Variants in CCDC146 observed in about 807,000 individuals in gnomAD.
CCDC146 encodes coiled-coil domain containing 146, also known as coiled-coil domain-containing protein 146.
A neutral mutation model predicts 119.3 loss-of-function variants in CCDC146; 92 were observed. The ratio of observed to expected loss-of-function variants is 0.77; its 90% CI spans 0.65 to 0.92. CCDC146 has a LOEUF of 0.92. CCDC146 is among the 40% of genes least tolerant of loss of function. The pLI, the probability that CCDC146 is intolerant of heterozygous loss-of-function variation, is 0.00. For synonymous variants in CCDC146, 372 were observed against 371.8 expected, an observed-to-expected ratio of 1.00 and a Z score of -0.01; for missense variants, 1,000 against 1,103.0, an observed-to-expected ratio of 0.91 and a Z score of 1.32.
At chr7:77,199,580 A>G in intron 2 of CCDC146, 3 of 1,614,140 alleles carry the variant, frequency 1.9e-6, no homozygotes, top group Non-Finnish European at 1.7e-6. Context: ...ATCCTGCTGA[A>G]TTGCTTCGGG....
intron 11 of CCDC146, among the ~76,000 whole-genome samples, chr7:77,278,435 ATTTT>A (rs140968354): frequency 2.9e-5 from 3 of 103,340 alleles, no homozygotes; most frequent in Non-Finnish European, 5.5e-5. Context: ...CCAAGAAATA[ATTTT>A]TTTTTTTTTT....
At chr7:77,156,830 A>G (rs1294187568) in intron 1 of CCDC146, among the ~76,000 whole-genome samples, 4 of 152,064 alleles carry the variant, frequency 2.6e-5, no homozygotes, top group Non-Finnish European at 4.4e-5. Context: ...AGCCTGTCAT[A>G]TAGTGGACCG....
At chr7:77,179,736 A>T (rs943649684) in intron 2 of CCDC146, among the ~76,000 whole-genome samples, 1 of 152,168 alleles carries the variant, frequency 6.6e-6, no homozygotes, top group Non-Finnish European at 1.5e-5. Flanking sequence ...TGATAAAATT[A>T]TACTATTTTA....
chr7:77,179,985 G>T (rs1053873365), intron 2 of CCDC146, among the ~76,000 whole-genome samples: 1 of 152,028 alleles, frequency 6.6e-6, no homozygotes, highest in Non-Finnish European at 1.5e-5. Context: ...TGTCATCAAG[G>T]TTGGTTCATG....
chr7:77,253,367 A>G (rs3108426), intron 4 of CCDC146, among the ~76,000 whole-genome samples: 111,986 of 152,114 alleles, frequency 0.74, 42,973 homozygotes, highest in Non-Finnish European at 0.87. Context: ...TGAGCTCTTC[A>G]AATAACCCTT....
At chr7:77,136,342 C>T (rs1472903732) in intron 1 of CCDC146, among the ~76,000 whole-genome samples, 1 of 152,094 alleles carries the variant, frequency 6.6e-6, no homozygotes, top group Admixed American at 6.5e-5. Context: ...AAATGAAAAG[C>T]TGGTTCTTTG....
intron 18 of CCDC146, among the ~76,000 whole-genome samples, chr7:77,293,731 C>G (rs1793994225): frequency 6.6e-6 from 1 of 152,230 alleles, no homozygotes; most frequent in Non-Finnish European, 1.5e-5. Flanking sequence ...GCTGACTCCC[C>G]CTGCAAGTTA....
intron 1 of CCDC146, among the ~76,000 whole-genome samples, chr7:77,145,620 T>G (rs1584022846): frequency 6.6e-6 from 1 of 152,328 alleles, no homozygotes; most frequent in East Asian, 1.9e-4. Flanking sequence ...ATGTTGTGTC[T>G]TTGTTCTCAT....
Position 77,274,650 on chromosome 7 carries a change from C to T in CCDC146, c.1438C>T (p.Gln480Ter). 1 of 1,603,610 alleles carries T rather than the reference C, an allele frequency of 6.2e-7. No homozygotes were observed. Among genetic ancestry groups the T allele is most frequent in the South Asian group, 1.1e-5 (1 of 89,432 alleles). ...EQKSKDFLKAQQKYTNIVKEM... is the reference protein window; with the variant it reads ...EQKSKDFLKA ...AAAGTCCAAGGATTTCCTGAAAGCTCAGGTAACTGCATTTTTTTAACCATT... is the reference window on the plus strand; with the variant it reads ...AAAGTCCAAGGATTTCCTGAAAGCTTAGGTAACTGCATTTTTTTAACCATT... The change falls in exon 11 of 19, where the codon CAG becomes TAG. Residue 480 changes from glutamine to a stop codon, truncating the protein, a stop_gained and splice_region_variant. Coordinates refer to ENST00000285871, the MANE Select transcript of CCDC146 (RefSeq NM_020879.3). LOFTEE classifies it high-confidence loss of function.
intron 1 of CCDC146, among the ~76,000 whole-genome samples, chr7:77,135,702 A>G (rs1790852041): frequency 6.6e-6 from 1 of 152,238 alleles, no homozygotes. Context: ...CGATAAATGC[A>G]CCAATTAAAA....
At chr7:77,169,739 C>T (rs982737232) in intron 2 of CCDC146, among the ~76,000 whole-genome samples, 1 of 152,174 alleles carries the variant, frequency 6.6e-6, no homozygotes, top group African/African-American at 2.4e-5. Context: ...TTCTGCACTT[C>T]CTTACTTTCT....
intron 1 of CCDC146, among the ~76,000 whole-genome samples, chr7:77,137,436 G>A (rs896638380): frequency 4.8e-5 from 7 of 144,796 alleles, no homozygotes; most frequent in African/African-American, 1.0e-4. Context: ...TTTTGCAAAC[G>A]TCAGTCACTT....
intron 4 of CCDC146, 106 bp from the exon 5 acceptor site, chr7:77,254,400 C>A (rs2056709): frequency 0.66 from 426,039 of 641,562 alleles, 143,567 homozygotes; most frequent in South Asian, 0.71. Flanking sequence ...GTTGCCTGGC[C>A]GACAAGCATG....
At chr7:77,293,498 C>T (rs1252726553) in intron 18 of CCDC146, among the ~76,000 whole-genome samples, 1 of 152,198 alleles carries the variant, frequency 6.6e-6, no homozygotes, top group Non-Finnish European at 1.5e-5. Context: ...ACCAGGCTGG[C>T]ACTGGCCTTG....
At chr7:77,167,454 A>G (rs1791352708) in intron 1 of CCDC146, among the ~76,000 whole-genome samples, 5 of 152,094 alleles carry the variant, frequency 3.3e-5, no homozygotes, top group Admixed American at 3.3e-4. Flanking sequence ...AAAAATAAGA[A>G]TGATTGATTT....
chr7:77,292,955 A>G lies in CCDC146; in HGVS notation c.2419A>G (p.Asn807Asp), dbSNP rs746634298. Reference protein sequence around the residue: ...QDTLLLAKKMNGYQRRIKNAT... With the variant: ...QDTLLLAKKMDGYQRRIKNAT... ...GCTTTGGGCTCTTTAATTCTAGATG[A>G]ATGGCTATCAAAGAAGGATCAAAAA... The change falls in exon 18 of 19, where the codon AAT becomes GAT. Residue 807 changes from asparagine to aspartate, a missense_variant. Coordinates refer to ENST00000285871, the MANE Select transcript of CCDC146 (RefSeq NM_020879.3). The G allele has an allele frequency of 6.2e-7, 1 of 1,613,256 alleles. No individual in the cohort carries two copies. Among genetic ancestry groups the G allele is most frequent in the Admixed American group, 1.7e-5 (1 of 59,852 alleles).
chr7:77,178,642 CATTG>C (rs1254746188), intron 2 of CCDC146, among the ~76,000 whole-genome samples: 2 of 152,128 alleles, frequency 1.3e-5, no homozygotes, highest in Non-Finnish European at 1.5e-5. Context: ...CTTTATTTTT[CATTG>C]ATTGTTTACT....
intron 2 of CCDC146, among the ~76,000 whole-genome samples, chr7:77,185,352 C>T (rs1281505951): frequency 1.3e-5 from 2 of 151,926 alleles, no homozygotes; most frequent in East Asian, 1.9e-4. Flanking sequence ...TTTTGTGGAC[C>T]GTTTGATAAA....
chr7:77,272,435 C>T (rs1292556524), intron 9 of CCDC146, among the ~76,000 whole-genome samples: 1 of 152,200 alleles, frequency 6.6e-6, no homozygotes, highest in Admixed American at 6.5e-5. Flanking sequence ...AACATAGCAG[C>T]ATGATCCTCA....
Sources: gnomAD v4.1 joint callset for allele counts (sites outside exome capture counted in the v4.1 genomes callset) on GRCh38, gnomAD v4.1.1 for gene constraint, MANE v1.5 for transcripts, NCBI Gene and HGNC (gene_info 2026-07-23, HGNC 2026-07-21) for gene names.